The following PPM1B variants were observed in gnomAD, a reference collection of about 807,000 sequenced individuals.
PPM1B encodes the protein protein phosphatase, Mg2+/Mn2+ dependent 1B.
PPM1B carries 22 observed loss-of-function variants against 43.0 expected under a neutral mutation model. The ratio of observed to expected loss-of-function variants is 0.51; its 90% CI spans 0.37 to 0.73. The LOEUF (loss-of-function observed/expected upper bound fraction) is 0.73. PPM1B is among the 30% of genes least tolerant of loss of function. The pLI is 0.00. For missense variants in PPM1B, 632 were observed against 584.2 expected, an observed-to-expected ratio of 1.08 and a Z score of -0.84; for synonymous variants, 217 against 197.9, an observed-to-expected ratio of 1.10 and a Z score of -0.81.
chr2:44,212,345 A>G (rs1466777299), intron 3 of PPM1B, among the ~76,000 whole-genome samples: 1 of 152,144 alleles, frequency 6.6e-6, no homozygotes, highest in East Asian at 1.9e-4. Flanking sequence ...GCTAACTCTC[A>G]TGCATATGCC....
chr2:44,195,726 G>T (rs888402408), intron 1 of PPM1B, among the ~76,000 whole-genome samples: 4 of 152,206 alleles, frequency 2.6e-5, no homozygotes, highest in African/African-American at 9.7e-5. Flanking sequence ...CTTCTCCTTT[G>T]AGTGGTGGGG....
chr2:44,218,415 G>T, intron 4 of PPM1B, 65 bp from the exon 5 acceptor site: 1 of 1,224,218 alleles, frequency 8.2e-7, no homozygotes, highest in South Asian at 1.3e-5. Context: ...ATGAAATATT[G>T]AGATATTCAC....
Position 44,201,393 on chromosome 2 carries a change from C to T in PPM1B, c.194C>T (p.Ser65Phe), listed in dbSNP as rs1306552277. The T allele has an allele frequency of 6.2e-7, 1 of 1,613,954 alleles. No homozygotes were observed. The highest frequency in any genetic ancestry group is 1.7e-5 in the Admixed American group (1 of 59,980). ...GCAGTTTATGATGGTCATGCTGGAT[C>T]CCGAGTGGCAAATTACTGCTCAACA... ...FFAVYDGHAG[S>F]RVANYCSTHL... The change falls in exon 2 of 6, where the codon TCC (serine) becomes TTC (phenylalanine). Residue 65 changes from serine (S) to phenylalanine (F), a missense_variant. By Grantham distance (155) the Ser-to-Phe change is radical. Transcript: ENST00000282412. This position sits in a 1 kb window ranked among gnomAD's most constrained non-coding sequence, Gnocchi z 5.4.
intron 1 of PPM1B, among the ~76,000 whole-genome samples, chr2:44,192,403 A>T (rs1279557769): frequency 1.3e-5 from 2 of 151,938 alleles, no homozygotes; most frequent in South Asian, 2.1e-4. Flanking sequence ...TTCAGTAGAG[A>T]TGGGGTTTCG....
intron 2 of PPM1B, 66 bp from the exon 3 acceptor site, chr2:44,209,144 T>C: frequency 7.5e-7 from 1 of 1,337,362 alleles, no homozygotes; most frequent in East Asian, 2.5e-5. Flanking sequence ...GCTTAAAGTA[T>C]TTTGAAGTAA....
At chr2:44,207,686 C>T (rs1158122094) in intron 2 of PPM1B, among the ~76,000 whole-genome samples, 2 of 151,516 alleles carry the variant, frequency 1.3e-5, no homozygotes, top group South Asian at 2.1e-4. Context: ...AGCGATCCTT[C>T]CACCTTAGCC....
intron 5 of PPM1B, among the ~76,000 whole-genome samples, chr2:44,244,022 T>G (rs558375307): frequency 7.0e-6 from 1 of 142,620 alleles, no homozygotes; most frequent in East Asian, 2.1e-4. Flanking sequence ...TTTTGTAATT[T>G]TCTCCATATG....
chr2:44,209,053 A>G (rs879710199), intron 2 of PPM1B, among the ~76,000 whole-genome samples, 157 bp from the exon 3 acceptor site: 1 of 152,232 alleles, frequency 6.6e-6, no homozygotes, highest in Non-Finnish European at 1.5e-5. Context: ...TGTTTCTTCA[A>G]GTTGTGTTTT....
At chr2:44,187,305 C>T (rs1041289134) in intron 1 of PPM1B, among the ~76,000 whole-genome samples, 4 of 152,026 alleles carry the variant, frequency 2.6e-5, no homozygotes, top group African/African-American at 7.2e-5. Context: ...TTTATCCATT[C>T]GTTTGTCATT....
intron 1 of PPM1B, among the ~76,000 whole-genome samples, chr2:44,178,838 G>A (rs1667721161): frequency 6.6e-6 from 1 of 152,062 alleles, no homozygotes; most frequent in African/African-American, 2.4e-5. Context: ...TTTTCTAGTA[G>A]CCACATTAAT....
rs990042415 is a variant in PPM1B at position 44,169,216 on chromosome 2, G to T, written c.-73G>T. 1 of 155,416 alleles carries T rather than the reference G, an allele frequency of 6.4e-6. No homozygotes were observed. The allele number at this position is 155,416 out of a possible 1,614,324, so 9.6% of individuals were successfully genotyped here. ...CGCGCCTCCGTTGGAAACTTGGGCT[G>T]AGTACCGCGGCGGGCGCGAGCGAGG... is the stretch of plus-strand genomic sequence containing the variant. On this transcript the variant is annotated 5_prime_UTR_variant, in exon 1 of 6. Transcript: ENST00000282412.
intron 1 of PPM1B, among the ~76,000 whole-genome samples, chr2:44,182,115 G>A (rs77802161): frequency 0.021 from 3,176 of 152,222 alleles, 48 homozygotes; most frequent in Non-Finnish European, 0.033. Context: ...TACCACACAG[G>A]ACATCAGTGT....
At chr2:44,222,489 T>A (rs1670019655) in intron 5 of PPM1B, among the ~76,000 whole-genome samples, 2 of 152,186 alleles carry the variant, frequency 1.3e-5, no homozygotes, top group Non-Finnish European at 2.9e-5. Context: ...CACAAGTTGG[T>A]AATTTTCCAA....
chr2:44,177,418 C>CTTTTTTT (rs35330548), intron 1 of PPM1B, among the ~76,000 whole-genome samples: 4 of 122,564 alleles, frequency 3.3e-5, no homozygotes, highest in South Asian at 2.7e-4. Flanking sequence ...GTGAAATAAC[C>CTTTTTTT]TTTTTTTTTT....
chr2:44,242,754 CAT>C (rs1422122072), intron 5 of PPM1B, among the ~76,000 whole-genome samples: 2 of 148,630 alleles, frequency 1.3e-5, no homozygotes, highest in African/African-American at 5.1e-5. Flanking sequence ...CCTGCTCACA[CAT>C]GTTAATTGGC....
chr2:44,220,713 AT>A (rs1468079578), intron 5 of PPM1B, among the ~76,000 whole-genome samples: 2 of 152,242 alleles, frequency 1.3e-5, no homozygotes, highest in African/African-American at 4.8e-5. Context: ...TTGGTAACAA[AT>A]AAATGACAAA....
intron 3 of PPM1B, chr2:44,213,821 G>A (rs1209281201): frequency 6.6e-6 from 1 of 152,118 alleles, no homozygotes; most frequent in Non-Finnish European, 1.5e-5. Flanking sequence ...TCATTAAGAG[G>A]AGCTGTTTTT....
chr2:44,210,215 ATT>A lies in PPM1B; in HGVS notation c.964+906_964+907del, dbSNP rs11322876. Among the ~76,000 whole-genome samples, 696 of 136,130 alleles carry A rather than the reference ATT, an allele frequency of 5.1e-3. 2 individuals carry two copies. The highest frequency in any genetic ancestry group is 0.015 in the African/African-American group (531 of 35,800). 89.3% of individuals were successfully genotyped at this position (136,130 alleles called of 152,430 possible). A position where few individuals can be genotyped will look rare whatever the true frequency, so the allele number is the denominator to read the frequency against. On this transcript the variant is annotated intron_variant, in intron 3 of 5. Coordinates refer to ENST00000282412, the MANE Select transcript of PPM1B (RefSeq NM_002706.6). ...TTTTTTAAACTTCATTTGGCAATAA[ATT>A]TTTTTTTTTTTTTTTTTGAGATAGG...
intron 5 of PPM1B, among the ~76,000 whole-genome samples, chr2:44,223,172 T>G (rs1227168295): frequency 6.6e-6 from 1 of 152,176 alleles, no homozygotes; most frequent in Non-Finnish European, 1.5e-5. Context: ...TTTATAAAGT[T>G]GTTGAAAGGA....
Sources: allele counts gnomAD v4.1 joint callset (sites outside exome capture counted in the v4.1 genomes callset), GRCh38; gene constraint gnomAD v4.1.1; non-coding constraint Gnocchi (gnomAD v3.1); transcripts MANE v1.5; gene names NCBI Gene and HGNC (gene_info 2026-07-23, HGNC 2026-07-21).